The following LOC128125817 variants were observed in gnomAD, a reference collection of about 807,000 sequenced individuals.
the LOC128125817 span, among the ~76,000 whole-genome samples, chr1:41,587,028 T>C: frequency 6.6e-6 from 1 of 152,114 alleles, no homozygotes; most frequent in African/African-American, 2.4e-5. Context: ...TATATATTTA[T>C]ATATGAGCTT....
the LOC128125817 span, among the ~76,000 whole-genome samples, chr1:41,624,118 T>C: frequency 1.3e-5 from 2 of 152,286 alleles, no homozygotes; most frequent in Admixed American, 1.3e-4. Flanking sequence ...TTTCCACTAC[T>C]GACTGCACTC....
At chr1:41,593,181 T>G in the LOC128125817 span, among the ~76,000 whole-genome samples, 4 of 152,194 alleles carry the variant, frequency 2.6e-5, no homozygotes, top group African/African-American at 9.6e-5. Context: ...TTTAAACCAC[T>G]GCAGAATTGT....
At chr1:41,607,087 G>A in the LOC128125817 span, among the ~76,000 whole-genome samples, 1 of 152,016 alleles carries the variant, frequency 6.6e-6, no homozygotes, top group Non-Finnish European at 1.5e-5. Context: ...GCCTCTCAAA[G>A]TGCTGGATTA....
the LOC128125817 span, among the ~76,000 whole-genome samples, chr1:41,593,681 T>C: frequency 1.3e-5 from 2 of 152,384 alleles, no homozygotes; most frequent in African/African-American, 2.4e-5. Flanking sequence ...ATAAACTGTC[T>C]CTTTAACATT....
the LOC128125817 span, among the ~76,000 whole-genome samples, chr1:41,604,902 G>A: frequency 6.6e-6 from 1 of 151,882 alleles, no homozygotes; most frequent in African/African-American, 2.4e-5. Flanking sequence ...CCAGGAATTC[G>A]AGACCAGCTT....
At chr1:41,625,908 T>C in the LOC128125817 span, among the ~76,000 whole-genome samples, 87 of 152,368 alleles carry the variant, frequency 5.7e-4, no homozygotes, top group African/African-American at 2.0e-3. Flanking sequence ...GTTTTATATA[T>C]TGACATTCCA....
At chr1:41,613,375 T>G in the LOC128125817 span, among the ~76,000 whole-genome samples, 87,487 of 152,116 alleles carry the variant, frequency 0.58, 25,318 homozygotes, top group African/African-American at 0.6. Flanking sequence ...ATTCCCTCAC[T>G]GTACTAATCT....
chr1:41,607,256 A>T, the LOC128125817 span, among the ~76,000 whole-genome samples: 13 of 152,286 alleles, frequency 8.5e-5, no homozygotes, highest in African/African-American at 3.1e-4. Flanking sequence ...TCTATCCTCC[A>T]TGGGTCTTAA....
At chr1:41,597,810 T>C in the LOC128125817 span, among the ~76,000 whole-genome samples, 2 of 152,196 alleles carry the variant, frequency 1.3e-5, no homozygotes, top group African/African-American at 4.8e-5. Context: ...GTATCGACAG[T>C]GTTTAAGCCT....
the LOC128125817 span, among the ~76,000 whole-genome samples, chr1:41,590,761 A>G: frequency 6.6e-6 from 1 of 152,204 alleles, no homozygotes; most frequent in East Asian, 1.9e-4. Flanking sequence ...AGGTAGCAAC[A>G]CAGATCAGGG....
chr1:41,610,696 A>T, the LOC128125817 span, among the ~76,000 whole-genome samples: 1 of 152,226 alleles, frequency 6.6e-6, no homozygotes, highest in Non-Finnish European at 1.5e-5. Context: ...AGCTCCACCC[A>T]GGGAGCCCGG....
the LOC128125817 span, among the ~76,000 whole-genome samples, chr1:41,609,951 G>T: frequency 1.3e-5 from 2 of 152,188 alleles, no homozygotes; most frequent in African/African-American, 4.8e-5. Flanking sequence ...AAAGCAGACC[G>T]CTTTCCACAA....
the LOC128125817 span, among the ~76,000 whole-genome samples, chr1:41,624,767 C>T: frequency 1.3e-5 from 2 of 152,218 alleles, no homozygotes; most frequent in Non-Finnish European, 1.5e-5. Flanking sequence ...TTCCCTTCTA[C>T]TCCTCCCCAA....
At chr1:41,595,444 G>T in the LOC128125817 span, among the ~76,000 whole-genome samples, 1 of 152,128 alleles carries the variant, frequency 6.6e-6, no homozygotes, top group African/African-American at 2.4e-5. Context: ...TTTACACATT[G>T]TTGTTCCTGG....
At chr1:41,607,382 GT>G in the LOC128125817 span, among the ~76,000 whole-genome samples, 1 of 152,156 alleles carries the variant, frequency 6.6e-6, no homozygotes, top group Non-Finnish European at 1.5e-5. Context: ...TTCCACTGAA[GT>G]TTTTTCCATA....
At chr1:41,612,575 G>T in the LOC128125817 span, among the ~76,000 whole-genome samples, 29 of 152,328 alleles carry the variant, frequency 1.9e-4, no homozygotes, top group Admixed American at 3.3e-4. Flanking sequence ...AAGTGGCTGG[G>T]CTGGATCCAC....
the LOC128125817 span, among the ~76,000 whole-genome samples, chr1:41,627,043 C>A: frequency 6.6e-6 from 1 of 152,210 alleles, no homozygotes; most frequent in Non-Finnish European, 1.5e-5. Flanking sequence ...AAAGTACCAA[C>A]CATGTGGGCA....
the LOC128125817 span, among the ~76,000 whole-genome samples, chr1:41,625,712 G>A: frequency 1.3e-5 from 2 of 152,078 alleles, no homozygotes; most frequent in African/African-American, 4.8e-5. Flanking sequence ...TCTAGCCTGG[G>A]CAACAGAGCA....
At chr1:41,593,631 G>A in the LOC128125817 span, among the ~76,000 whole-genome samples, 7 of 152,214 alleles carry the variant, frequency 4.6e-5, no homozygotes, top group South Asian at 2.1e-4. Flanking sequence ...CGCCAATGGC[G>A]GGTGAGCACT....
Sources: gnomAD v4.1 joint callset for allele counts (sites outside exome capture counted in the v4.1 genomes callset) on GRCh38, gnomAD v4.1.1 for gene constraint, MANE v1.5 for transcripts.